Variants in CDKN2B-AS1 observed in about 807,000 individuals in gnomAD.
The protein encoded by CDKN2B-AS1 is CDKN2B antisense RNA 1 (non-protein coding).
chr9:22,070,711 G>A (rs1301066083), intron 4 of CDKN2B-AS1, among the ~76,000 whole-genome samples: 1 of 152,188 alleles, frequency 6.6e-6, no homozygotes, highest in African/African-American at 2.4e-5. Context: ...ACCGGTCCCA[G>A]CCATGACAGT....
chr9:22,093,355 C>G (rs1321180676), intron 4 of CDKN2B-AS1, among the ~76,000 whole-genome samples: 6 of 121,608 alleles, frequency 4.9e-5, no homozygotes, highest in Non-Finnish European at 5.2e-5. Flanking sequence ...GCAGAGCTGA[C>G]TTCAATTCCT....
chr9:22,109,083 C>A (rs568662980), intron 4 of CDKN2B-AS1, among the ~76,000 whole-genome samples: 2 of 152,286 alleles, frequency 1.3e-5, no homozygotes, highest in Admixed American at 1.3e-4. Flanking sequence ...AGCAATTTAA[C>A]ATTTTCTAAG....
chr9:22,103,131 A>ATGTGTGTGTGTGTGTG (rs3221506), intron 4 of CDKN2B-AS1, among the ~76,000 whole-genome samples: 13 of 132,520 alleles, frequency 9.8e-5, no homozygotes, highest in Admixed American at 4.7e-4. Flanking sequence ...TCTAGAACAG[A>ATGTGTGTGTGTGTGTG]TGTGTGTGTG....
chr9:22,029,413 A>G (rs370990539), intron 1 of CDKN2B-AS1: 1 of 779,102 alleles, frequency 1.3e-6, no homozygotes, highest in Non-Finnish European at 2.4e-6. Flanking sequence ...ACAAATCCAG[A>G]TTTTTTGGAT....
At chr9:22,009,120 G>A (rs569345626) in intron 1 of CDKN2B-AS1, 12 of 979,302 alleles carry the variant, frequency 1.2e-5, no homozygotes, top group Middle Eastern at 3.3e-4. Flanking sequence ...TTGGGGCCCC[G>A]TGCAGTGGCC....
intron 3 of CDKN2B-AS1, among the ~76,000 whole-genome samples, chr9:22,052,159 A>T (rs1173332968): frequency 6.6e-6 from 1 of 152,178 alleles, no homozygotes; most frequent in Non-Finnish European, 1.5e-5. Flanking sequence ...AAATTTTAAT[A>T]GTTTCCCCCA....
At chr9:22,080,117 C>T (rs1824644725) in intron 4 of CDKN2B-AS1, among the ~76,000 whole-genome samples, 1 of 152,206 alleles carries the variant, frequency 6.6e-6, no homozygotes, top group Non-Finnish European at 1.5e-5. Context: ...AATGAATAAT[C>T]ACCAAAGGCG....
intron 1 of CDKN2B-AS1, among the ~76,000 whole-genome samples, chr9:22,032,496 A>G (rs975952617): frequency 3.9e-5 from 6 of 152,180 alleles, no homozygotes; most frequent in Non-Finnish European, 7.4e-5. Flanking sequence ...CCTGAGGTGC[A>G]TCTGTAGAAG....
chr9:22,109,265 G>A (rs988152073), intron 4 of CDKN2B-AS1, among the ~76,000 whole-genome samples: 2 of 152,098 alleles, frequency 1.3e-5, no homozygotes, highest in Non-Finnish European at 2.9e-5. Flanking sequence ...AGCTGATAAG[G>A]TCCTGAAGCA....
chr9:22,012,455 G>C, intron 1 of CDKN2B-AS1: 1 of 709,190 alleles, frequency 1.4e-6, no homozygotes, highest in South Asian at 1.4e-5. Context: ...TAAGCGCTAT[G>C]CTCTCCTGCA....
At chr9:22,068,518 G>C (rs1451202008) in intron 4 of CDKN2B-AS1, among the ~76,000 whole-genome samples, 4 of 152,184 alleles carry the variant, frequency 2.6e-5, no homozygotes, top group East Asian at 1.9e-4. Flanking sequence ...GTTTGACAGA[G>C]AGCGTGGTTT....
At chr9:22,069,193 C>T (rs1224744816) in intron 4 of CDKN2B-AS1, among the ~76,000 whole-genome samples, 1 of 152,146 alleles carries the variant, frequency 6.6e-6, no homozygotes, top group East Asian at 1.9e-4. Context: ...TGTCTTGCAG[C>T]TCCCTAAGTA....
chr9:22,030,591 C>G (rs1822427401), intron 1 of CDKN2B-AS1: 1 of 152,084 alleles, frequency 6.6e-6, no homozygotes, highest in African/African-American at 2.4e-5. Context: ...CCCTTTAAAA[C>G]TACTGGCAGA....
chr9:22,098,540 T>G (rs1252031198), intron 4 of CDKN2B-AS1, among the ~76,000 whole-genome samples: 1 of 152,150 alleles, frequency 6.6e-6, no homozygotes. Flanking sequence ...CAGTAGCATG[T>G]TTGCTTTCAG....
At position 21,997,460 on chromosome 9, in the gene CDKN2B-AS1, G is replaced by A. The variant is rs924794956; in HGVS notation, n.29+2299G>A. Among the ~76,000 whole-genome samples the A allele has an allele frequency of 6.6e-6, 1 of 150,620 alleles. No homozygotes were observed. Among genetic ancestry groups the A allele is most frequent in the African/African-American group, 2.4e-5 (1 of 41,150 alleles). ...TTATATGTCTACACACACATATGTG[G>A]GGGAGAGAAAGAGAGGGAGGGAGAG... On this transcript the variant is annotated intron_variant and non_coding_transcript_variant, in intron 1 of 4. Transcript: ENST00000650946. This position sits in a 1 kb window ranked among gnomAD's most constrained non-coding sequence, Gnocchi z 4.8.
At chr9:22,042,888 G>A (rs557909138) in intron 1 of CDKN2B-AS1, among the ~76,000 whole-genome samples, 2 of 152,014 alleles carry the variant, frequency 1.3e-5, no homozygotes, top group Admixed American at 1.3e-4. Context: ...TCCTTAATAT[G>A]TATGACTGAG....
chr9:22,093,996 C>A (rs1351810800), intron 4 of CDKN2B-AS1, among the ~76,000 whole-genome samples: 1 of 144,532 alleles, frequency 6.9e-6, no homozygotes, highest in Non-Finnish European at 1.5e-5. Flanking sequence ...TTCAGGAACT[C>A]TTTTAGGGCA....
At chr9:22,070,542 C>A (rs946509253) in intron 4 of CDKN2B-AS1, among the ~76,000 whole-genome samples, 7 of 152,018 alleles carry the variant, frequency 4.6e-5, no homozygotes, top group Non-Finnish European at 7.4e-5. Context: ...GATGCTTGGG[C>A]AAATAAGTAA....
At chr9:22,050,295 A>G (rs1823291651) in intron 3 of CDKN2B-AS1, among the ~76,000 whole-genome samples, 1 of 152,250 alleles carries the variant, frequency 6.6e-6, no homozygotes, top group South Asian at 2.1e-4. Flanking sequence ...ACAGAAAAGC[A>G]GCCTGGCTTG....
Sources: gnomAD v4.1 joint callset for allele counts (sites outside exome capture counted in the v4.1 genomes callset) on GRCh38, gnomAD v4.1.1 for gene constraint, Gnocchi (gnomAD v3.1) non-coding constraint, MANE v1.5 for transcripts, NCBI Gene and HGNC (gene_info 2026-07-23, HGNC 2026-07-21) for gene names.